TANGO6: variants seen among roughly 807,000 people sequenced by gnomAD.
The protein encoded by TANGO6 is transport and Golgi organization protein 6 homolog.
TANGO6 carries 90 observed loss-of-function variants against 114.2 expected under a neutral mutation model. The ratio of observed to expected loss-of-function variants is 0.79; its 90% CI spans 0.66 to 0.94. The LOEUF (loss-of-function observed/expected upper bound fraction) is 0.94. Among genes scored for constraint, TANGO6 ranks in the 40% least tolerant of loss-of-function variants. The pLI is 0.00. For synonymous variants in TANGO6, 477 were observed against 509.8 expected (o/e 0.94, Z 0.87); for missense variants, 1,274 against 1,315.3 (o/e 0.97, Z 0.49).
At chr16:69,020,143 A>G (rs1442285085) in intron 15 of TANGO6, among the ~76,000 whole-genome samples, 2 of 152,178 alleles carry the variant, frequency 1.3e-5, no homozygotes, top group Admixed American at 1.3e-4. Flanking sequence ...GTGTCCCAGC[A>G]CCATTACTGA....
intron 14 of TANGO6, among the ~76,000 whole-genome samples, chr16:68,963,395 G>T (rs111434472): frequency 9.9e-5 from 15 of 152,276 alleles, no homozygotes; most frequent in African/African-American, 3.4e-4. Context: ...GGGATTACAG[G>T]TGTGAACCAC....
chr16:69,048,488 G>A (rs1478251210), intron 17 of TANGO6, among the ~76,000 whole-genome samples: 1 of 151,944 alleles, frequency 6.6e-6, no homozygotes, highest in Admixed American at 6.6e-5. Context: ...ACTGCAGCCT[G>A]AAACTCTTAG....
intron 15 of TANGO6, among the ~76,000 whole-genome samples, chr16:68,993,780 C>G (rs9302596): frequency 0.1 from 15,713 of 152,236 alleles, 1,071 homozygotes; most frequent in African/African-American, 0.19. Flanking sequence ...ATTGTAAAGA[C>G]AGTCTCCGTC....
At chr16:68,941,193 A>G (rs937097173) in intron 14 of TANGO6, among the ~76,000 whole-genome samples, 12 of 152,224 alleles carry the variant, frequency 7.9e-5, no homozygotes, top group African/African-American at 2.9e-4. Context: ...TAAGTAAGGA[A>G]AAGAAAAAAC....
rs531844202 is a variant in TANGO6 at position 68,936,963 on chromosome 16, G to T, written c.2701+6668G>T. The stretch of plus-strand genomic sequence containing the variant: ...TTTCAGAGAAGAGCTTTCATTTCTG[G>T]CAAAAGAGCTGAGTGGAGGGAAGGC... On this transcript the variant is annotated intron_variant, in intron 14 of 17. Transcript: ENST00000261778. Among the ~76,000 whole-genome samples the T allele has an allele frequency of 5.3e-5, 8 of 152,248 alleles. No individual in the cohort carries two copies. In the South Asian group the frequency reaches 1.7e-3, roughly 32 times the overall value.
At chr16:68,854,431 C>CAAG (rs752255588) in intron 1 of TANGO6, among the ~76,000 whole-genome samples, 3 of 151,900 alleles carry the variant, frequency 2.0e-5, no homozygotes, top group Non-Finnish European at 4.4e-5. Flanking sequence ...GGTGACAGAG[C>CAAG]AAGACCCTGT....
intron 4 of TANGO6, among the ~76,000 whole-genome samples, chr16:68,871,899 C>T (rs1438207035): frequency 2.0e-5 from 3 of 152,160 alleles, no homozygotes; most frequent in Non-Finnish European, 1.5e-5. Context: ...AGTTTACAGG[C>T]GTGAACCACT....
intron 14 of TANGO6, among the ~76,000 whole-genome samples, chr16:68,969,622 T>C (rs1027660027): frequency 1.3e-5 from 2 of 151,982 alleles, no homozygotes. Flanking sequence ...TTTGGGAACC[T>C]TTTTATGGAA....
intron 1 of TANGO6, among the ~76,000 whole-genome samples, chr16:68,853,265 G>A (rs889561713): frequency 6.8e-6 from 1 of 147,496 alleles, no homozygotes; most frequent in African/African-American, 2.5e-5. Flanking sequence ...GTGACAGAGC[G>A]AGACTCTGTC....
At chr16:69,069,336 ACT>A (rs1960263794) in intron 17 of TANGO6, among the ~76,000 whole-genome samples, 1 of 151,992 alleles carries the variant, frequency 6.6e-6, no homozygotes, top group Non-Finnish European at 1.5e-5. Context: ...ACAATTCTTG[ACT>A]CTCTGCCCCG....
rs1963554184 is a variant in TANGO6, at chr16:68,958,304, A to G, written c.2702-15724A>G. ...GGTCAGGAGTTCGAGACCAGCCTCA[A>G]CATGGAGAAACCCTGTCTCTACTAA... On this transcript the variant is annotated intron_variant, in intron 14 of 17. Transcript: ENST00000261778. Among the ~76,000 whole-genome samples, 3 of 151,978 alleles carry G rather than the reference A, an allele frequency of 2.0e-5. No homozygotes were observed. In the South Asian group the frequency reaches 6.2e-4, roughly 32 times the overall value.
intron 17 of TANGO6, among the ~76,000 whole-genome samples, chr16:69,069,977 C>T (rs1238409438): frequency 1.4e-5 from 2 of 145,682 alleles, no homozygotes; most frequent in Non-Finnish European, 3.0e-5. Context: ...GAGGCCGAGG[C>T]GGGCAGATCA....
chr16:68,882,790 G>A (rs575983639), intron 7 of TANGO6, among the ~76,000 whole-genome samples: 7 of 151,968 alleles, frequency 4.6e-5, no homozygotes, highest in Non-Finnish European at 7.4e-5. Flanking sequence ...AGGCCAAGGC[G>A]GGCGGATCAT....
At chr16:69,073,409 T>A (rs1241312482) in intron 17 of TANGO6, among the ~76,000 whole-genome samples, 2 of 152,214 alleles carry the variant, frequency 1.3e-5, no homozygotes, top group Non-Finnish European at 2.9e-5. Context: ...AGAACGGAGA[T>A]CACTCCATGT....
chr16:69,023,177 C>G (rs936871484), intron 16 of TANGO6, among the ~76,000 whole-genome samples, 198 bp downstream of exon 16: 3 of 152,048 alleles, frequency 2.0e-5, no homozygotes, highest in African/African-American at 7.2e-5. Flanking sequence ...TAGTAAGGGC[C>G]GGGCATGGTG....
chr16:68,873,874 C>A (rs1290726252), intron 4 of TANGO6, among the ~76,000 whole-genome samples: 1 of 152,106 alleles, frequency 6.6e-6, no homozygotes, highest in Non-Finnish European at 1.5e-5. Context: ...CTACAGCAAC[C>A]TTTAAGGTAA....
At chr16:68,972,310 C>G (rs1164509528) in intron 14 of TANGO6, among the ~76,000 whole-genome samples, 4 of 152,072 alleles carry the variant, frequency 2.6e-5, no homozygotes, top group African/African-American at 9.7e-5. Context: ...GCCTTCACAG[C>G]TCAGCAGATG....
At chr16:68,908,248 G>C (rs994169046) in intron 10 of TANGO6, among the ~76,000 whole-genome samples, 6 of 152,166 alleles carry the variant, frequency 3.9e-5, no homozygotes, top group African/African-American at 1.4e-4. Context: ...AATTCAAGGA[G>C]GGAATCAGGG....
chr16:69,061,407 T>C (rs1960113414), intron 17 of TANGO6, among the ~76,000 whole-genome samples: 1 of 151,654 alleles, frequency 6.6e-6, no homozygotes, highest in Middle Eastern at 3.2e-3. Flanking sequence ...CTACTAAAAA[T>C]ACAAAAATTA....
Sources: allele counts gnomAD v4.1 joint callset (sites outside exome capture counted in the v4.1 genomes callset), GRCh38; gene constraint gnomAD v4.1.1; transcripts MANE v1.5; gene names NCBI Gene and HGNC (gene_info 2026-07-23, HGNC 2026-07-21).